TMEM52B: variants seen among roughly 807,000 people sequenced by gnomAD.
TMEM52B encodes transmembrane protein 52B.
TMEM52B carries 11 observed loss-of-function variants against 16.1 expected under a neutral mutation model. The observed-to-expected ratio is 0.68, with a 90% confidence interval of 0.43 to 1.13. The LOEUF (loss-of-function observed/expected upper bound fraction) is 1.13. TMEM52B is among the 50% of genes most tolerant of loss of function. The pLI is 0.00. For missense variants in TMEM52B, 243 were observed against 230.4 expected (o/e 1.05, Z -0.35); for synonymous variants, 101 against 93.8 (o/e 1.08, Z -0.45).
intron 4 of TMEM52B, 92 bp from the exon 5 acceptor site, chr12:10,189,804 T>A (rs1437476623): frequency 1.3e-5 from 20 of 1,520,586 alleles, no homozygotes; most frequent in Non-Finnish European, 1.4e-5. Context: ...TTGTAAAAAA[T>A]GAAGCGACAG....
Position 10,188,536 on chromosome 12 carries a change from GGAAAA to G in TMEM52B, c.308-1356_308-1352del, listed in dbSNP as rs776816837. On this transcript the variant is annotated intron_variant, in intron 4 of 4. Coordinates refer to ENST00000543484, the MANE Select transcript of TMEM52B (RefSeq NM_001384896.1). ...AGGAAGGAAGGAAGGAAGGAAGGAA[GGAAAA>G]GAAGAAAAAGAAAAAGAAAAAGAAA... Among the ~76,000 whole-genome samples, 888 of 120,942 alleles carry G rather than the reference GGAAAA, an allele frequency of 7.3e-3. 5 individuals carry two copies. The highest frequency in any genetic ancestry group is 0.012 in the Non-Finnish European group (648 of 53,726). The allele number at this position is 120,942 out of a possible 152,430, so 79.3% of individuals were successfully genotyped here.
chr12:10,182,663 AGATGTCATTAGACATCTATG>A, intron 2 of TMEM52B, 70 bp downstream of exon 2: 1 of 1,430,638 alleles, frequency 7.0e-7, no homozygotes, highest in African/African-American at 1.4e-5. Flanking sequence ...AAGAGAGTCA[AGATGTCATTAGACATCTATG>A]ACTTCTTTTT....
chr12:10,178,379 C>T (rs1010130948), upstream of TMEM52B, among the ~76,000 whole-genome samples: 5 of 151,664 alleles, frequency 3.3e-5, no homozygotes, highest in South Asian at 4.2e-4. Flanking sequence ...AAAACTTAGC[C>T]GGGCGTGGTG....
chr12:10,179,800 T>C (rs1047819652), intron 1 of TMEM52B, among the ~76,000 whole-genome samples, 172 bp downstream of exon 1: 3 of 152,148 alleles, frequency 2.0e-5, no homozygotes, highest in Non-Finnish European at 2.9e-5. Flanking sequence ...ATTGCATAGA[T>C]GCATGTGTGA....
At position 10,182,532 on chromosome 12, in the gene TMEM52B, C is replaced by T; in HGVS notation, c.55-18C>T. On this transcript the variant is annotated intron_variant, in intron 1 of 4. Coordinates refer to ENST00000543484, the MANE Select transcript of TMEM52B (RefSeq NM_001384896.1). ...GCCAAAACAATTTCCCTGTATAAGACAATTTCTCTTTCTACAGCTTTCTGG... is the reference window on the plus strand; with the variant it reads ...GCCAAAACAATTTCCCTGTATAAGATAATTTCTCTTTCTACAGCTTTCTGG... 1 of 1,534,094 alleles carries T rather than the reference C, an allele frequency of 6.5e-7. No individual in the cohort carries two copies. The highest frequency in any genetic ancestry group is 8.7e-7 in the Non-Finnish European group (1 of 1,145,660).
intron 4 of TMEM52B, 27 bp downstream of exon 4, chr12:10,186,616 G>A: frequency 6.6e-7 from 1 of 1,512,828 alleles, no homozygotes; most frequent in Non-Finnish European, 9.0e-7. Flanking sequence ...TTTAACCTGG[G>A]AGGAGGACCC....
intron 2 of TMEM52B, among the ~76,000 whole-genome samples, 166 bp from the exon 3 acceptor site, chr12:10,185,164 T>C (rs1391260316): frequency 6.6e-6 from 1 of 152,232 alleles, no homozygotes; most frequent in South Asian, 2.1e-4. Context: ...AAGCATATCA[T>C]TTGGCAAAAG....
chr12:10,182,830 C>A (rs1948839379), intron 2 of TMEM52B, among the ~76,000 whole-genome samples: 1 of 152,214 alleles, frequency 6.6e-6, no homozygotes. Context: ...ATCAAAGCAG[C>A]ACGATTAATC....
chr12:10,188,089 A>T, intron 4 of TMEM52B, among the ~76,000 whole-genome samples: 2 of 152,054 alleles, frequency 1.3e-5, no homozygotes, highest in African/African-American at 2.4e-5. Flanking sequence ...AGCGACAGAG[A>T]AAGACCCTGT....
At position 10,189,932 on chromosome 12, in the gene TMEM52B, T is replaced by A; in HGVS notation, c.344T>A (p.Ile115Asn). ...QSVFGPAARR[I>N]LAVAHSHSSL... ...GTGTTTGGCCCTGCAGCTCGGAGGA[T>A]CCTGGCTGTGGCTCACTCCCACAGC... The change falls in exon 5 of 5, where the codon ATC becomes AAC. Residue 115 changes from isoleucine to asparagine, a missense_variant. By Grantham distance (149) the Ile-to-Asn change is moderately radical. Transcript: ENST00000543484. 1 of 1,614,126 alleles carries A rather than the reference T, an allele frequency of 6.2e-7. No individual in the cohort carries two copies. Among genetic ancestry groups the A allele is most frequent in the South Asian group, 1.1e-5 (1 of 91,076 alleles).
chr12:10,171,983 A>T (rs1403532002), intron 1 of TMEM52B: 7 of 1,592,758 alleles, frequency 4.4e-6, no homozygotes, highest in Admixed American at 1.7e-5. Context: ...CCCTGTACAC[A>T]TTTTCCCATC....
chr12:10,189,016 CAAAAAAAAA>C (rs869240234), intron 4 of TMEM52B, among the ~76,000 whole-genome samples: 5 of 56,500 alleles, frequency 8.8e-5, no homozygotes, highest in African/African-American at 1.6e-4. Flanking sequence ...GACTCCGTCT[CAAAAAAAAA>C]AAAAAAAAAA....
At position 10,190,324 on chromosome 12, in the gene TMEM52B, G is replaced by A. The variant is rs1467176672; in HGVS notation, c.*184G>A. On this transcript the variant is annotated 3_prime_UTR_variant, in exon 5 of 5. Transcript: ENST00000543484. ...TCTTCCGATACAGAATGCTCTAATT[G>A]GGAACTCTAATTTTGTATCCAATGG... The A allele has an allele frequency of 3.8e-6, 3 of 799,726 alleles. No individual in the cohort carries two copies. The highest frequency in any genetic ancestry group is 6.0e-5 in the Admixed American group (2 of 33,350). 49.5% of individuals were successfully genotyped at this position (799,726 alleles called of 1,614,324 possible).
rs71049059 is a variant in TMEM52B at position 10,188,542 on chromosome 12, GAAGAAAAAGAAAAAGAAA to G, written c.308-1333_308-1316del. ...GAAGGAAGGAAGGAAGGAAGGAAAA[GAAGAAAAAGAAAAAGAAA>G]AAGAAAAAGAAAAAGAAAAAAGATA... On this transcript the variant is annotated intron_variant, in intron 4 of 4. Transcript: ENST00000543484. Among the ~76,000 whole-genome samples the G allele has an allele frequency of 3.7e-3, 280 of 75,202 alleles. 1 individual carries two copies. The highest frequency in any genetic ancestry group is 6.1e-3 in the Non-Finnish European group (219 of 35,802). The allele number at this position is 75,202 out of a possible 152,430, so 49.3% of individuals were successfully genotyped here. A position where few individuals can be genotyped will look rare whatever the true frequency, so the allele number is the denominator to read the frequency against.
intron 1 of TMEM52B, 102 bp downstream of exon 1, chr12:10,179,730 A>G: frequency 1.4e-6 from 2 of 1,394,750 alleles, no homozygotes; most frequent in South Asian, 1.2e-5. Flanking sequence ...GGAGACATAT[A>G]CAGAACCCAG....
chr12:10,172,059 T>C, intron 1 of TMEM52B: 1 of 1,613,744 alleles, frequency 6.2e-7, no homozygotes, highest in South Asian at 1.1e-5. Context: ...GTCTGGATCT[T>C]TAGGTCATCA....
chr12:10,177,224 T>C (rs1031419135), upstream of TMEM52B, among the ~76,000 whole-genome samples: 1 of 152,108 alleles, frequency 6.6e-6, no homozygotes, highest in Non-Finnish European at 1.5e-5. Context: ...TCACCCTTCA[T>C]CCTAACCCCA....
At chr12:10,179,990 A>G (rs983901019) in intron 1 of TMEM52B, among the ~76,000 whole-genome samples, 3 of 152,214 alleles carry the variant, frequency 2.0e-5, no homozygotes, top group African/African-American at 7.2e-5. Context: ...CCTAAACGGA[A>G]TTTCCCATCC....
At chr12:10,186,337 C>A in intron 3 of TMEM52B, 83 bp from the exon 4 acceptor site, 2 of 1,061,226 alleles carry the variant, frequency 1.9e-6, no homozygotes, top group Non-Finnish European at 1.3e-6. Context: ...AGAATCAAAA[C>A]ACAGACATTA....
Sources: gnomAD v4.1 joint callset for allele counts (sites outside exome capture counted in the v4.1 genomes callset) on GRCh38, gnomAD v4.1.1 for gene constraint, MANE v1.5 for transcripts, NCBI Gene and HGNC (gene_info 2026-07-23, HGNC 2026-07-21) for gene names.